Variants in ASXL2 observed in about 807,000 individuals in gnomAD.
The protein encoded by ASXL2 is putative Polycomb group protein ASXL2.
A neutral mutation model predicts 122.0 loss-of-function variants in ASXL2; 23 were observed. The ratio of observed to expected loss-of-function variants is 0.19; its 90% CI spans 0.14 to 0.27. The LOEUF (loss-of-function observed/expected upper bound fraction) is 0.27, where lower values mean the gene tolerates loss of function less well. Among genes scored for constraint, ASXL2 ranks in the 10% least tolerant of loss-of-function variants. The pLI is 1.00. For missense variants in ASXL2, 1,518 were observed against 1,713.8 expected (o/e 0.89, Z 2.02); for synonymous variants, 650 against 637.0 (o/e 1.02, Z -0.31).
At chr2:25,767,556 A>T in intron 8 of ASXL2, 27 bp downstream of exon 8, 1 of 1,603,066 alleles carries the variant, frequency 6.2e-7, no homozygotes, top group South Asian at 1.1e-5. Context: ...TGGCAATGAA[A>T]ACTGAAGTCT....
At chr2:25,753,722 G>T in intron 10 of ASXL2, 83 bp from the exon 11 acceptor site, 1 of 1,065,722 alleles carries the variant, frequency 9.4e-7, no homozygotes, top group Non-Finnish European at 1.4e-6. Context: ...AAAGACTCAC[G>T]CAGGAATTGG....
At chr2:25,810,547 C>A in intron 3 of ASXL2, 1 of 725,046 alleles carries the variant, frequency 1.4e-6, no homozygotes, top group East Asian at 2.7e-5. Context: ...GCGCCTTTCT[C>A]CTTCAGCTTC....
In ASXL2 at chr2:25,742,619, G is replaced by T; in HGVS notation, c.3718C>A (p.Gln1240Lys). Residue 1240 changes from glutamine to lysine, a missense_variant, in exon 13 of 13, where the codon CAA becomes AAA. Gln to Lys is a moderately conservative substitution (Grantham distance 53, BLOSUM62 1). Around this residue, in one of 8 missense-constraint regions of ASXL2, gnomAD observed 831 missense variants for 833.1 expected, o/e 1.00. Transcript: ENST00000435504. ...NVKAEIPLNE[Q>K]TTLSKENYLF... ...TAATTCTCCTTACTTAAAGTGGTTT[G>T]CTCATTCAATGGTATCTCAGCCTTC... 1 of 1,613,954 alleles carries T rather than the reference G, an allele frequency of 6.2e-7. No individual in the cohort carries two copies. Among genetic ancestry groups the T allele is most frequent in the Non-Finnish European group, 8.5e-7 (1 of 1,179,904 alleles).
chr2:25,838,076 G>A (rs2089534796), intron 2 of ASXL2, among the ~76,000 whole-genome samples: 1 of 152,146 alleles, frequency 6.6e-6, no homozygotes, highest in Admixed American at 6.5e-5. Context: ...TCCAGTCTGG[G>A]TGACAGTGAG....
At position 25,735,546 on chromosome 2, in the gene ASXL2, T is replaced by C. The variant is rs1048165403; in HGVS notation, c.*6483A>G. ...TGAAGAGATACAGTTACTTATCATCTATAAGATGAAAATCATGTTTTAAGA... is the reference window on the plus strand; with the variant it reads ...TGAAGAGATACAGTTACTTATCATCCATAAGATGAAAATCATGTTTTAAGA... On this transcript the variant is annotated 3_prime_UTR_variant, in exon 13 of 13. Coordinates refer to ENST00000435504, the MANE Select transcript of ASXL2 (RefSeq NM_018263.6). 6.6e-6 allele frequency: 1 copy of C among 152,238 alleles called. No individual in the cohort carries two copies. The highest frequency in any genetic ancestry group is 2.4e-5 in the African/African-American group (1 of 41,462). 9.4% of individuals were successfully genotyped at this position (152,238 alleles called of 1,614,324 possible). A position where few individuals can be genotyped will look rare whatever the true frequency, so the allele number is the denominator to read the frequency against.
chr2:25,793,023 C>CG (rs1391631789), intron 5 of ASXL2, among the ~76,000 whole-genome samples: 1 of 151,794 alleles, frequency 6.6e-6, no homozygotes, highest in African/African-American at 2.4e-5. Flanking sequence ...GAAGCTGAGG[C>CG]GGGCAGATCA....
chr2:25,867,545 A>G (rs991707093), intron 1 of ASXL2, among the ~76,000 whole-genome samples: 2 of 152,308 alleles, frequency 1.3e-5, no homozygotes, highest in Non-Finnish European at 2.9e-5. Flanking sequence ...GACAAAAGAA[A>G]GTTTTATCTC....
At chr2:25,767,240 G>A (rs1227684559) in intron 8 of ASXL2, among the ~76,000 whole-genome samples, 3 of 152,084 alleles carry the variant, frequency 2.0e-5, no homozygotes, top group African/African-American at 7.2e-5. Context: ...GCTGGACAAA[G>A]CAACCTATTG....
chr2:25,756,774 G>A (rs1017041550), intron 9 of ASXL2, among the ~76,000 whole-genome samples: 2 of 152,294 alleles, frequency 1.3e-5, no homozygotes, highest in African/African-American at 4.8e-5. Flanking sequence ...CGGACAATAC[G>A]AAAACTAACA....
At position 25,877,936 on chromosome 2, in the gene ASXL2, A is replaced by G. The variant is rs939210174; in HGVS notation, c.57+230T>C. 2.6e-5 allele frequency among the ~76,000 whole-genome samples: 4 copies of G among 152,290 alleles called. 1 individual carries two copies. In the South Asian group the frequency reaches 8.3e-4, roughly 32 times the overall value. On this transcript the variant is annotated intron_variant, in intron 1 of 12. Transcript: ENST00000435504. ...CAAAAGACAGCCTCAAAACACTGAG[A>G]GGACTCGCCGCAGACGCCGAGGGAC...
At chr2:25,869,721 C>G (rs2089946366) in intron 1 of ASXL2, among the ~76,000 whole-genome samples, 1 of 151,512 alleles carries the variant, frequency 6.6e-6, no homozygotes, top group Non-Finnish European at 1.5e-5. Flanking sequence ...GAGGCTGAGG[C>G]AGGAGAATCG....
In ASXL2 at chr2:25,741,759, T is replaced by A. The variant is rs1470195791; in HGVS notation, c.*270A>T. The A allele has an allele frequency of 2.4e-6, 1 of 411,978 alleles. No homozygotes were observed. Among genetic ancestry groups the A allele is most frequent in the East Asian group, 3.5e-5 (1 of 28,344 alleles). 25.5% of individuals were successfully genotyped at this position (411,978 alleles called of 1,614,324 possible). A position where few individuals can be genotyped will look rare whatever the true frequency, so the allele number is the denominator to read the frequency against. On this transcript the variant is annotated 3_prime_UTR_variant, in exon 13 of 13. Transcript: ENST00000435504. ...TACCTAAACACTTGGAAAAATAATG[T>A]TAAACAAAATGTGACATATTTACAT...
intron 3 of ASXL2, among the ~76,000 whole-genome samples, chr2:25,808,083 G>C (rs991484636): frequency 1.3e-5 from 2 of 151,228 alleles, no homozygotes; most frequent in Non-Finnish European, 2.9e-5. Flanking sequence ...CTATTTACTT[G>C]GGTATATGGG....
At chr2:25,780,801 T>C (rs543247388) in intron 5 of ASXL2, among the ~76,000 whole-genome samples, 1 of 152,236 alleles carries the variant, frequency 6.6e-6, no homozygotes, top group African/African-American at 2.4e-5. Flanking sequence ...AATTCACCCA[T>C]GTTTGGCCGG....
At chr2:25,756,189 A>T (rs1287212516) in intron 9 of ASXL2, 75 bp from the exon 10 acceptor site, 2 of 791,064 alleles carry the variant, frequency 2.5e-6, no homozygotes, top group African/African-American at 3.6e-5. Context: ...CCTTCCTTTC[A>T]TTTTATAAAA....
intron 3 of ASXL2, among the ~76,000 whole-genome samples, chr2:25,819,816 G>A (rs1338086711): frequency 6.6e-6 from 1 of 152,214 alleles, no homozygotes; most frequent in Non-Finnish European, 1.5e-5. Flanking sequence ...TTGTGCCAAT[G>A]TAGATTTCCT....
intron 1 of ASXL2, among the ~76,000 whole-genome samples, chr2:25,877,954 C>G (rs1389543750): frequency 6.6e-6 from 1 of 152,190 alleles, no homozygotes; most frequent in Admixed American, 6.5e-5. Flanking sequence ...CCGCAGACGC[C>G]GAGGGACGCC....
chr2:25,786,726 C>T (rs981530205), intron 5 of ASXL2, among the ~76,000 whole-genome samples: 12 of 151,970 alleles, frequency 7.9e-5, no homozygotes, highest in African/African-American at 2.9e-4. Context: ...TGGTGGCACA[C>T]ACCTGTAATC....
In ASXL2 at chr2:25,860,715, G is replaced by GA. The variant is rs375554327; in HGVS notation, c.58-15153dup. Among the ~76,000 whole-genome samples, 10 of 93,380 alleles carry GA rather than the reference G, an allele frequency of 1.1e-4. No individual in the cohort carries two copies. The South Asian group carries it at 1.7e-3, about 16-fold the overall frequency. The allele number at this position is 93,380 out of a possible 152,430, so 61.3% of individuals were successfully genotyped here. ...GACAGAGAGAGACTCCATCTCAGAG[G>GA]AAAAAAAAAAGATCTATGCTGGGTG... On this transcript the variant is annotated intron_variant, in intron 1 of 12. Transcript: ENST00000435504.
Sources: allele counts gnomAD v4.1 joint callset (sites outside exome capture counted in the v4.1 genomes callset), GRCh38; gene constraint gnomAD v4.1.1; regional missense constraint gnomAD v4.1.1; transcripts MANE v1.5; gene names NCBI Gene and HGNC (gene_info 2026-07-23, HGNC 2026-07-21).